ASIC2: variants seen among roughly 807,000 people sequenced by gnomAD.
The protein encoded by ASIC2 is acid sensing ion channel subunit 2.
In ASIC2, 25 loss-of-function variants were observed where a neutral mutation model predicts 57.3. The observed-to-expected ratio is 0.44, with a 90% CI of 0.32 to 0.61. The LOEUF (loss-of-function observed/expected upper bound fraction) is 0.61, where lower values mean the gene tolerates loss of function less well. Among genes scored for constraint, ASIC2 ranks in the 20% least tolerant of loss-of-function variants. The pLI is 0.06. For missense variants in ASIC2, 641 were observed against 738.1 expected (o/e 0.87, Z 1.52); for synonymous variants, 319 against 307.5 (o/e 1.04, Z -0.39).
chr17:34,083,264 T>C (rs1567814113), intron 1 of ASIC2, among the ~76,000 whole-genome samples: 1 of 150,136 alleles, frequency 6.7e-6, no homozygotes, highest in Non-Finnish European at 1.5e-5. Context: ...TGAGTGAGAA[T>C]ATGCGGTGTT....
intron 1 of ASIC2, among the ~76,000 whole-genome samples, chr17:33,798,952 T>G (rs1278497138): frequency 3.9e-5 from 6 of 152,132 alleles, no homozygotes; most frequent in Non-Finnish European, 7.4e-5. Flanking sequence ...AATTGGGAGC[T>G]GGGACTGCGA....
At chr17:34,025,027 G>A (rs980937656) in intron 1 of ASIC2, among the ~76,000 whole-genome samples, 1 of 152,154 alleles carries the variant, frequency 6.6e-6, no homozygotes, top group African/African-American at 2.4e-5. Flanking sequence ...GGCCCCCAGT[G>A]GACAGCACTT....
At chr17:33,160,934 A>T (rs990116966) in intron 1 of ASIC2, among the ~76,000 whole-genome samples, 2 of 152,184 alleles carry the variant, frequency 1.3e-5, no homozygotes, top group Admixed American at 6.5e-5. Flanking sequence ...CTTCCTTTGA[A>T]ACTGAAGCTA....
At chr17:33,470,842 C>T (rs890500169) in intron 1 of ASIC2, among the ~76,000 whole-genome samples, 1 of 151,670 alleles carries the variant, frequency 6.6e-6, no homozygotes, top group Non-Finnish European at 1.5e-5. Flanking sequence ...CTTGCTTCCA[C>T]CTGACTCTAC....
intron 1 of ASIC2, among the ~76,000 whole-genome samples, chr17:33,966,651 G>T (rs547172245): frequency 6.6e-6 from 1 of 152,094 alleles, no homozygotes; most frequent in African/African-American, 2.4e-5. Context: ...ACTGTGGGTC[G>T]GATGACACTG....
At chr17:33,985,554 G>T (rs1905788069) in intron 1 of ASIC2, among the ~76,000 whole-genome samples, 1 of 152,140 alleles carries the variant, frequency 6.6e-6, no homozygotes, top group Admixed American at 6.6e-5. Flanking sequence ...GATTCCAGAG[G>T]CAAAATGTTT....
At chr17:33,090,855 A>G (rs1037080560) in intron 2 of ASIC2, among the ~76,000 whole-genome samples, 1 of 152,240 alleles carries the variant, frequency 6.6e-6, no homozygotes, top group East Asian at 1.9e-4. Flanking sequence ...AGGGAAGGGT[A>G]GGCAGGGCTT....
At chr17:33,314,778 T>G (rs781411239) in intron 1 of ASIC2, among the ~76,000 whole-genome samples, 6 of 152,254 alleles carry the variant, frequency 3.9e-5, no homozygotes, top group Non-Finnish European at 1.5e-5. Context: ...ATTCTATTTT[T>G]ATGCTTTGAA....
intron 1 of ASIC2, among the ~76,000 whole-genome samples, chr17:33,690,572 G>T (rs961313635): frequency 3.9e-5 from 6 of 152,012 alleles, no homozygotes; most frequent in African/African-American, 1.5e-4. Flanking sequence ...CCAAAAACTA[G>T]TCACATACCC....
At chr17:34,024,567 A>G (rs1431823744) in intron 1 of ASIC2, among the ~76,000 whole-genome samples, 6 of 152,234 alleles carry the variant, frequency 3.9e-5, no homozygotes, top group South Asian at 2.1e-4. Flanking sequence ...GAGCTCTGAC[A>G]GAAGAGAAAT....
chr17:33,731,082 G>A (rs1469081209), intron 1 of ASIC2, among the ~76,000 whole-genome samples: 1 of 152,210 alleles, frequency 6.6e-6, no homozygotes, highest in Non-Finnish European at 1.5e-5. Flanking sequence ...GTGAATGAGT[G>A]AATGGATGAG....
chr17:33,574,499 G>A (rs1034195583), intron 1 of ASIC2, among the ~76,000 whole-genome samples: 2 of 152,188 alleles, frequency 1.3e-5, no homozygotes, highest in African/African-American at 4.8e-5. Context: ...GTGCTGTGCT[G>A]TGATTGAAGG....
At chr17:33,174,583 C>T (rs1028946049) in intron 1 of ASIC2, among the ~76,000 whole-genome samples, 12 of 152,246 alleles carry the variant, frequency 7.9e-5, no homozygotes, top group East Asian at 1.9e-4. Flanking sequence ...AGTGGGGGCG[C>T]GATGGGCTTG....
intron 1 of ASIC2, among the ~76,000 whole-genome samples, chr17:33,197,835 A>G (rs759045462): frequency 2.6e-5 from 4 of 152,172 alleles, no homozygotes; most frequent in Admixed American, 6.5e-5. Flanking sequence ...TGTAGTCATT[A>G]TAAAGGTCTA....
At chr17:33,602,681 C>A (rs1188228274) in intron 1 of ASIC2, among the ~76,000 whole-genome samples, 2 of 152,204 alleles carry the variant, frequency 1.3e-5, no homozygotes, top group African/African-American at 4.8e-5. Context: ...CTCACTTCTT[C>A]CTATGCCCTT....
chr17:33,126,311 C>T (rs2092322889), intron 1 of ASIC2, among the ~76,000 whole-genome samples: 1 of 152,196 alleles, frequency 6.6e-6, no homozygotes, highest in Non-Finnish European at 1.5e-5. Context: ...TTTTCTCTGA[C>T]CTGTTTCCTC....
At chr17:33,439,139 C>T (rs570477944) in intron 1 of ASIC2, among the ~76,000 whole-genome samples, 44 of 152,228 alleles carry the variant, frequency 2.9e-4, no homozygotes, top group African/African-American at 9.9e-4. Context: ...CCATCACACC[C>T]GGCCAATGGT....
chr17:33,762,866 G>A (rs1299406595), intron 1 of ASIC2, among the ~76,000 whole-genome samples: 1 of 152,198 alleles, frequency 6.6e-6, no homozygotes, highest in African/African-American at 2.4e-5. Context: ...CTCCTGGAGA[G>A]GAACCTCAGT....
At chr17:33,332,489 A>G (rs320631) in intron 1 of ASIC2, among the ~76,000 whole-genome samples, 125,223 of 152,088 alleles carry the variant, frequency 0.82, 51,631 homozygotes, top group East Asian at 1. Flanking sequence ...GTCTTATTTC[A>G]GACCAGTCAC....
Sources: allele counts gnomAD v4.1 joint callset (sites outside exome capture counted in the v4.1 genomes callset), GRCh38; gene constraint gnomAD v4.1.1; transcripts MANE v1.5; gene names NCBI Gene and HGNC (gene_info 2026-07-23, HGNC 2026-07-21).